Variants in CEP41 observed in about 807,000 individuals in gnomAD.
CEP41 encodes the protein centrosomal protein 41.
In CEP41, 32 loss-of-function variants were observed where a neutral mutation model predicts 44.3. The observed-to-expected ratio is 0.72, with a 90% CI of 0.54 to 0.97. The LOEUF is 0.97. Among genes scored for constraint, CEP41 ranks in the 50% least tolerant of loss-of-function variants. The pLI, the probability that CEP41 is intolerant of heterozygous loss-of-function variation, is 0.00. For missense variants in CEP41, 432 were observed against 455.2 expected (o/e 0.95, Z 0.46); for synonymous variants, 151 against 168.5 (o/e 0.90, Z 0.80).
At position 130,398,875 on chromosome 7, in the gene CEP41, A is replaced by AAGTG; in HGVS notation, c.*12_*15dup. 1 of 1,614,030 alleles carries AAGTG rather than the reference A, an allele frequency of 6.2e-7. No homozygotes were observed. Among genetic ancestry groups the AAGTG allele is most frequent in the African/African-American group, 1.3e-5 (1 of 75,058 alleles). ...AAAGAGGAAGAACATTTATTTGCCT[A>AAGTG]AGTGAGACAAAGTCTTTACTTCCAG... On this transcript the variant is annotated 3_prime_UTR_variant, in exon 11 of 11. Coordinates refer to ENST00000223208, the MANE Select transcript of CEP41 (RefSeq NM_018718.3).
chr7:130,405,405 C>T (rs937984584), intron 5 of CEP41, among the ~76,000 whole-genome samples: 57 of 152,214 alleles, frequency 3.7e-4, no homozygotes, highest in African/African-American at 1.3e-3. Flanking sequence ...ACTAAATAAG[C>T]CTGTTTGTTA....
intron 2 of CEP41, among the ~76,000 whole-genome samples, chr7:130,422,782 C>G (rs1264295120): frequency 2.0e-5 from 3 of 152,110 alleles, no homozygotes; most frequent in Non-Finnish European, 1.5e-5. Context: ...CTTTACAAGA[C>G]TAGTTTGGGA....
At chr7:130,412,078 A>G in intron 4 of CEP41, 101 bp downstream of exon 4, 1 of 781,572 alleles carries the variant, frequency 1.3e-6, no homozygotes, top group Non-Finnish European at 2.4e-6. Flanking sequence ...AAGAATCAGA[A>G]GAAACTCCTC....
Position 130,398,745 on chromosome 7 carries a change from G to T in CEP41, c.*146C>A. On this transcript the variant is annotated 3_prime_UTR_variant, in exon 11 of 11. Coordinates refer to ENST00000223208, the MANE Select transcript of CEP41 (RefSeq NM_018718.3). ...GTGGCCTCCTGAGGGGAGAGGAACT[G>T]GAGACAGGGACAGGGAAGAGGCCTA... 1.0e-6 allele frequency: 1 copy of T among 996,684 alleles called. No individual in the cohort carries two copies. Among genetic ancestry groups the T allele is most frequent in the African/African-American group, 1.6e-5 (1 of 63,370 alleles). 61.7% of individuals were successfully genotyped at this position (996,684 alleles called of 1,614,324 possible).
intron 2 of CEP41, chr7:130,421,425 T>G: frequency 1.0e-6 from 1 of 985,440 alleles, no homozygotes; most frequent in Non-Finnish European, 1.2e-6. Flanking sequence ...TTTGTTAACC[T>G]CAATAAGTGA....
intron 2 of CEP41, chr7:130,420,767 A>G (rs1362099933): frequency 4.0e-6 from 2 of 496,320 alleles, no homozygotes; most frequent in African/African-American, 4.2e-5. Flanking sequence ...GCGAGACTTC[A>G]TCTCAATAAA....
Position 130,398,540 on chromosome 7 carries a change from C to T in CEP41, c.*351G>A. 2 of 466,710 alleles carry T rather than the reference C, an allele frequency of 4.3e-6. No individual in the cohort carries two copies. Among genetic ancestry groups the T allele is most frequent in the Non-Finnish European group, 8.5e-6 (2 of 235,344 alleles). The allele number at this position is 466,710 out of a possible 1,614,324, so 28.9% of individuals were successfully genotyped here. A position where few individuals can be genotyped will look rare whatever the true frequency, so the allele number is the denominator to read the frequency against. On this transcript the variant is annotated 3_prime_UTR_variant, in exon 11 of 11. Transcript: ENST00000223208. ...TGTGACTGAAGTATTTACAAAACAA[C>T]ACAGAGAGACCCAACAAGCTGGACC...
At chr7:130,433,244 G>C (rs781909190) in intron 1 of CEP41, among the ~76,000 whole-genome samples, 31 of 151,956 alleles carry the variant, frequency 2.0e-4, no homozygotes, top group Non-Finnish European at 4.3e-4. Flanking sequence ...GGCGAAGGAG[G>C]AAAGAGGACA....
intron 1 of CEP41, among the ~76,000 whole-genome samples, chr7:130,438,111 C>T (rs1021014874): frequency 1.3e-5 from 2 of 152,090 alleles, no homozygotes; most frequent in Non-Finnish European, 2.9e-5. Flanking sequence ...TCACTCATGG[C>T]GCCAGCACCA....
chr7:130,441,238 A>T, upstream of CEP41: 6 of 338,946 alleles, frequency 1.8e-5, no homozygotes, highest in Non-Finnish European at 2.8e-5. Context: ...CTCCAGCCTT[A>T]GGGCGGGAAG....
chr7:130,433,521 C>T (rs1277972838), intron 1 of CEP41, among the ~76,000 whole-genome samples: 1 of 152,084 alleles, frequency 6.6e-6, no homozygotes, highest in Admixed American at 6.5e-5. Flanking sequence ...CTGGAAGAGG[C>T]AGGAAGTTGA....
chr7:130,403,639 T>C (rs1796920811), intron 6 of CEP41, among the ~76,000 whole-genome samples: 1 of 152,156 alleles, frequency 6.6e-6, no homozygotes, highest in Non-Finnish European at 1.5e-5. Context: ...AAATCACAGA[T>C]TAGTATGTAG....
chr7:130,429,931 C>T (rs531105350), intron 1 of CEP41, among the ~76,000 whole-genome samples: 2 of 152,140 alleles, frequency 1.3e-5, no homozygotes, highest in African/African-American at 2.4e-5. Context: ...AAGTGAATAC[C>T]GAAAATGAAG....
At chr7:130,416,503 T>G (rs1554420910) in intron 3 of CEP41, among the ~76,000 whole-genome samples, 1 of 152,222 alleles carries the variant, frequency 6.6e-6, no homozygotes, top group Non-Finnish European at 1.5e-5. Context: ...CCATGAATAC[T>G]CTCATTTATA....
chr7:130,428,105 A>G, intron 1 of CEP41, 87 bp from the exon 2 acceptor site: 4 of 916,616 alleles, frequency 4.4e-6, no homozygotes, highest in East Asian at 2.4e-5. Flanking sequence ...TTAAAAATGG[A>G]AAAAAAGTGC....
chr7:130,410,974 G>T, intron 5 of CEP41, 148 bp downstream of exon 5: 1 of 779,512 alleles, frequency 1.3e-6, no homozygotes, highest in Non-Finnish European at 2.3e-6. Context: ...TAAAGTATCA[G>T]GTAGCATTTC....
In CEP41 at chr7:130,427,291, A is replaced by C. The variant is rs118172042; in HGVS notation, c.97+664T>G. Among the ~76,000 whole-genome samples the C allele has an allele frequency of 2.3e-4, 35 of 152,306 alleles. No individual in the cohort carries two copies. In the East Asian group the frequency reaches 6.2e-3, roughly 27 times the overall value. ...AAAGGTTGAAAAAAAACAAAAACAA[A>C]CAACCAAAACCTCACAAGACTGAAA... On this transcript the variant is annotated intron_variant, in intron 2 of 10. Transcript: ENST00000223208.
chr7:130,414,389 C>A (rs1298483505), intron 3 of CEP41, among the ~76,000 whole-genome samples: 8 of 152,166 alleles, frequency 5.3e-5, no homozygotes. Flanking sequence ...AACTTGCCCA[C>A]CAAAAGTCGT....
chr7:130,415,883 G>A (rs998098785), intron 3 of CEP41, among the ~76,000 whole-genome samples: 7 of 152,226 alleles, frequency 4.6e-5, no homozygotes, highest in African/African-American at 1.7e-4. Flanking sequence ...AATATAAAAT[G>A]TTCAGGAAGA....
Sources: allele counts gnomAD v4.1 joint callset (sites outside exome capture counted in the v4.1 genomes callset), GRCh38; gene constraint gnomAD v4.1.1; transcripts MANE v1.5; gene names NCBI Gene and HGNC (gene_info 2026-07-23, HGNC 2026-07-21).